The following MAP7D3 variants were observed in gnomAD, a reference collection of about 807,000 sequenced individuals.
MAP7D3 encodes the protein MAP7 domain-containing protein 3.
Under a neutral mutation model 62.2 loss-of-function variants are expected in MAP7D3, and 45 were observed. The observed-to-expected ratio is 0.72, with a 90% CI of 0.57 to 0.93. The LOEUF is 0.93. MAP7D3 is among the 40% of genes least tolerant of loss of function. The pLI is 0.00. For synonymous variants in MAP7D3, 288 were observed against 248.8 expected, an observed-to-expected ratio of 1.16 and a Z score of -1.48; for missense variants, 711 against 683.1, an observed-to-expected ratio of 1.04 and a Z score of -0.45.
intron 6 of MAP7D3, among the ~76,000 whole-genome samples, chrX:136,239,821 GT>G (rs1427828580): frequency 1.8e-5 from 2 of 111,525 alleles, no homozygotes; most frequent in Non-Finnish European, 3.8e-5. Context: ...TAATGGCAGT[GT>G]CTTTTGACCA....
downstream of MAP7D3, chrX:136,213,307 CT>C (rs1029361783): frequency 9.0e-6 from 1 of 111,303 alleles, no homozygotes; most frequent in Non-Finnish European, 1.9e-5. Context: ...TAAATTTCCC[CT>C]TAACAATTTG....
In MAP7D3 at chrX:136,246,233, G is replaced by A; in HGVS notation, c.169+10C>T. 2 of 1,171,383 alleles carry A rather than the reference G, an allele frequency of 1.7e-6. No individual in the cohort carries two copies. Among genetic ancestry groups the A allele is most frequent in the South Asian group, 3.6e-5 (2 of 55,485 alleles). On this transcript the variant is annotated intron_variant, in intron 2 of 18. Coordinates refer to ENST00000316077, the MANE Select transcript of MAP7D3 (RefSeq NM_024597.4). ...CTTTGACATCTATCAAAGCATCAGA[G>A]AAATTATACCTGGTTTAAATGTCGA...
chrX:136,229,988 TA>T (rs56083630), intron 10 of MAP7D3, among the ~76,000 whole-genome samples: 6,190 of 64,186 alleles, frequency 0.096, 415 homozygotes, highest in Non-Finnish European at 0.12. Context: ...TATATATATA[TA>T]TATATTTTTT....
chrX:136,251,162 T>C (rs1466011186), intron 1 of MAP7D3, 127 bp downstream of exon 1: 10 of 512,647 alleles, frequency 2.0e-5, no homozygotes, highest in Non-Finnish European at 3.0e-5. Context: ...GAGGACCAGA[T>C]AGCACGAGGC....
chrX:136,219,563 G>C, intron 17 of MAP7D3, 30 bp downstream of exon 17: 2 of 1,167,927 alleles, frequency 1.7e-6, no homozygotes, highest in Non-Finnish European at 2.3e-6. Context: ...TCTTGTCACA[G>C]ATACGCTGCT....
chrX:136,216,719 C>T (rs958826549), downstream of MAP7D3: 3 of 112,305 alleles, frequency 2.7e-5, no homozygotes, highest in Non-Finnish European at 3.8e-5. Context: ...ATTCAATTTG[C>T]TGGCTGCCTG....
At chrX:136,224,185 A>G (rs1021186676) in intron 14 of MAP7D3, among the ~76,000 whole-genome samples, 6 of 109,466 alleles carry the variant, frequency 5.5e-5, no homozygotes, top group Admixed American at 4.9e-4. Flanking sequence ...TGGATAACCT[A>G]AGGTCAGGAT....
At chrX:136,230,361 A>C in intron 10 of MAP7D3, 24 bp downstream of exon 10, 6 of 962,561 alleles carry the variant, frequency 6.2e-6, no homozygotes, top group Non-Finnish European at 8.9e-6. Context: ...TTGCTAAGAT[A>C]AACTTCTTAG....
At chrX:136,251,183 A>G (rs1008089973) in intron 1 of MAP7D3, 106 bp downstream of exon 1, 2 of 681,508 alleles carry the variant, frequency 2.9e-6, no homozygotes, top group African/African-American at 2.3e-5. Context: ...GACTCCAGGG[A>G]AAAGTTTTGT....
intron 1 of MAP7D3, among the ~76,000 whole-genome samples, chrX:136,249,021 C>T (rs770020183): frequency 3.6e-5 from 4 of 112,376 alleles, no homozygotes; most frequent in Non-Finnish European, 5.6e-5. Flanking sequence ...AGGGCTGAGA[C>T]TTTCAGAAGA....
At chrX:136,214,366 T>A (rs925539883), downstream of MAP7D3, 8 of 111,002 alleles carry the variant, frequency 7.2e-5, no homozygotes, top group Non-Finnish European at 1.5e-4. Context: ...TCACTGAAAA[T>A]GACAGGGAAT....
At position 136,216,889 on chromosome X, in the gene MAP7D3, T is replaced by C. The variant is rs1231761287; in HGVS notation, c.*1637A>G. 1 of 112,524 alleles carries C rather than the reference T, an allele frequency of 8.9e-6. No homozygotes were observed. The highest frequency in any genetic ancestry group is 1.9e-5 in the Non-Finnish European group (1 of 53,347). The allele number at this position is 112,524 out of a possible 1,213,427, so 9.3% of individuals were successfully genotyped here. ...ACAGTGTTTCAACACAAGACATTTG[T>C]GCAGAAAAATAACAGGAACTCTTTT... On this transcript the variant is annotated 3_prime_UTR_variant, in exon 19 of 19. Coordinates refer to ENST00000316077, the MANE Select transcript of MAP7D3 (RefSeq NM_024597.4).
At position 136,226,000 on chromosome X, in the gene MAP7D3, T is replaced by C. The variant is rs911376824; in HGVS notation, c.2048A>G (p.Lys683Arg). 8.4e-7 allele frequency: 1 copy of C among 1,191,973 alleles called. No homozygotes were observed. Among genetic ancestry groups the C allele is most frequent in the African/African-American group, 1.7e-5 (1 of 57,193 alleles). The change falls in exon 13 of 19, where the codon AAA (lysine) becomes AGA (arginine). Residue 683 changes from lysine to arginine, a missense_variant. Physicochemically the swap from Lys to Arg is conservative, Grantham distance 26. Coordinates refer to ENST00000316077, the MANE Select transcript of MAP7D3 (RefSeq NM_024597.4). The part of the protein sequence containing the change: ...QEAPLQKGDA[K>R]IKAQEEADKR... Reference sequence around the variant, plus strand: ...GTCAGCTTCCTCTTGAGCTTTTATTTTGGCGTCCCCTTTCTAGGAAATTTG... The same window carrying C: ...GTCAGCTTCCTCTTGAGCTTTTATTCTGGCGTCCCCTTTCTAGGAAATTTG...
At chrX:136,213,414 T>C (rs962633350), downstream of MAP7D3, 1 of 110,514 alleles carries the variant, frequency 9.0e-6, no homozygotes, top group African/African-American at 3.3e-5. Context: ...GGCACCAGGC[T>C]ACCAGGGTTC....
downstream of MAP7D3, chrX:136,213,454 C>T (rs1403840950): frequency 5.4e-5 from 6 of 110,898 alleles, no homozygotes; most frequent in African/African-American, 2.0e-4. Context: ...ACTTTGTAGT[C>T]ATGAGACTGT....
At chrX:136,249,392 C>T (rs1272334233) in intron 1 of MAP7D3, among the ~76,000 whole-genome samples, 1 of 112,536 alleles carries the variant, frequency 8.9e-6, no homozygotes, top group Non-Finnish European at 1.9e-5. Context: ...GTTTCTTATG[C>T]TCATCTGGTT....
At position 136,231,657 on chromosome X, in the gene MAP7D3, G is replaced by A. The variant is rs1203172387; in HGVS notation, c.1300C>T (p.Pro434Ser). ...GGAGATGCCTCCATGCTCTCCTTGG[G>A]TGACCCTTTCACACTCTCCTTGGGG... is the stretch of plus-strand genomic sequence containing the variant. ...VAPKESVKGSPKESMEASPEA... is the reference protein window; with the variant it reads ...VAPKESVKGSSKESMEASPEA... Residue 434 changes from proline to serine, a missense_variant, in exon 8 of 19, where the codon CCC (proline) becomes TCC (serine). Coordinates refer to ENST00000316077, the MANE Select transcript of MAP7D3 (RefSeq NM_024597.4). 25 of 1,210,773 alleles carry A rather than the reference G, an allele frequency of 2.1e-5. No individual in the cohort carries two copies. The highest frequency in any genetic ancestry group is 2.8e-5 in the Non-Finnish European group (25 of 895,212).
At chrX:136,228,823 G>A in intron 10 of MAP7D3, 65 bp from the exon 11 acceptor site, 1 of 933,222 alleles carries the variant, frequency 1.1e-6, no homozygotes, top group Non-Finnish European at 1.4e-6. Flanking sequence ...ACAAAGAAGT[G>A]CAACACAATC....
chrX:136,232,480 C>T (rs1206913018), intron 7 of MAP7D3, among the ~76,000 whole-genome samples: 1 of 112,239 alleles, frequency 8.9e-6, no homozygotes, highest in African/African-American at 3.2e-5. Context: ...AAATAAGATG[C>T]TTCTCCAAAG....
Sources: allele counts gnomAD v4.1 joint callset (sites outside exome capture counted in the v4.1 genomes callset), GRCh38; gene constraint gnomAD v4.1.1; transcripts MANE v1.5; gene names NCBI Gene and HGNC (gene_info 2026-07-23, HGNC 2026-07-21).